RALGAPB: variants seen among roughly 807,000 people sequenced by gnomAD.
RALGAPB encodes Ral GTPase activating protein non-catalytic subunit beta.
A neutral mutation model predicts 161.1 loss-of-function variants in RALGAPB; 25 were observed. The ratio of observed to expected loss-of-function variants is 0.16; its 90% CI spans 0.11 to 0.22. The LOEUF is 0.22. RALGAPB is among the 10% of genes least tolerant of loss of function. The pLI is 1.00. For synonymous variants in RALGAPB, 629 were observed against 626.1 expected, an observed-to-expected ratio of 1.00 and a Z score of -0.07; for missense variants, 1,391 against 1,815.2, an observed-to-expected ratio of 0.77 and a Z score of 4.25.
At chr20:38,532,212 C>T (rs200885152) in intron 14 of RALGAPB, among the ~76,000 whole-genome samples, 16 of 152,214 alleles carry the variant, frequency 1.1e-4, no homozygotes, top group African/African-American at 3.6e-4. Flanking sequence ...CCTGCCACTG[C>T]GCCCGGCTAA....
chr20:38,523,387 A>G (rs1035710811), intron 10 of RALGAPB, among the ~76,000 whole-genome samples: 1 of 152,152 alleles, frequency 6.6e-6, no homozygotes, highest in Non-Finnish European at 1.5e-5. Context: ...GATATCCTAA[A>G]TGGTACTTTG....
rs756572068 is a variant in RALGAPB at position 38,521,597 on chromosome 20, T to C, written c.1518T>C (p.Pro506=). 1 of 1,614,242 alleles carries C rather than the reference T, an allele frequency of 6.2e-7. No homozygotes were observed. Among genetic ancestry groups the C allele is most frequent in the South Asian group, 1.1e-5 (1 of 91,086 alleles). The part of the protein sequence containing the change: ...SNPMFDASEF[P]DNYEAGRAEA... ...CTATGTTTGATGCAAGTGAATTTCCTGATAACTATGAAGCAGGAAGAGCTG... is the reference window on the plus strand; with the variant it reads ...CTATGTTTGATGCAAGTGAATTTCCCGATAACTATGAAGCAGGAAGAGCTG... Residue 506 remains proline (P), a synonymous_variant, in exon 10 of 30, where the codon CCT becomes CCC. Coordinates refer to ENST00000262879, the MANE Select transcript of RALGAPB (RefSeq NM_020336.4).
Position 38,553,801 on chromosome 20 carries a change from A to G in RALGAPB, c.3163-66A>G, listed in dbSNP as rs1406254653. On this transcript the variant is annotated intron_variant, in intron 21 of 29. Coordinates refer to ENST00000262879, the MANE Select transcript of RALGAPB (RefSeq NM_020336.4). ...TCAAAAAAAAAAAAAAAAAAAAAAA[A>G]CACTTAAGATTGGCCTTACTAGTTT... is the stretch of plus-strand genomic sequence containing the variant. 4 of 861,970 alleles carry G rather than the reference A, an allele frequency of 4.6e-6. No homozygotes were observed. The South Asian group carries it at 7.1e-5, about 15-fold the overall frequency. 53.4% of individuals were successfully genotyped at this position (861,970 alleles called of 1,614,324 possible). A position where few individuals can be genotyped will look rare whatever the true frequency, so the allele number is the denominator to read the frequency against.
chr20:38,531,647 T>A (rs921510350), intron 14 of RALGAPB, among the ~76,000 whole-genome samples: 2 of 152,190 alleles, frequency 1.3e-5, no homozygotes, highest in African/African-American at 4.8e-5. Context: ...AAAGCACCAA[T>A]GCTTCCAAAT....
chr20:38,549,549 A>AAATAT (rs1555882892), intron 20 of RALGAPB, among the ~76,000 whole-genome samples: 10 of 131,110 alleles, frequency 7.6e-5, no homozygotes, highest in African/African-American at 2.9e-4. Context: ...AAAAAAAAAA[A>AAATAT]ATATATATAT....
Position 38,531,211 on chromosome 20 carries a change from A to T in RALGAPB, c.2095A>T (p.Ile699Phe). 1 of 1,610,108 alleles carries T rather than the reference A, an allele frequency of 6.2e-7. No individual in the cohort carries two copies. Among genetic ancestry groups the T allele is most frequent in the Non-Finnish European group, 8.5e-7 (1 of 1,176,516 alleles). The part of the protein sequence containing the change: ...IVQDSALLEA[I>F]GCQMEMGGGE... Reference sequence around the variant, plus strand: ...TCAAGATTCAGCACTTTTGGAAGCCATTGGTTGCCAGATGGAGATGGTAAG... The same window carrying T: ...TCAAGATTCAGCACTTTTGGAAGCCTTTGGTTGCCAGATGGAGATGGTAAG... The change falls in exon 14 of 30, where the codon ATT (isoleucine) becomes TTT (phenylalanine). Residue 699 changes from isoleucine to phenylalanine, a missense_variant. By Grantham distance (21) the Ile-to-Phe change is conservative. This residue lies in a region of RALGAPB where 946 missense variants were observed against 1,257.2 expected (regional missense o/e 0.75). Transcript: ENST00000262879.
At chr20:38,483,524 G>A (rs949553846) in intron 1 of RALGAPB, among the ~76,000 whole-genome samples, 1 of 152,116 alleles carries the variant, frequency 6.6e-6, no homozygotes, top group African/African-American at 2.4e-5. Flanking sequence ...GTTTTATAAG[G>A]ATAAACAAGT....
intron 1 of RALGAPB, among the ~76,000 whole-genome samples, chr20:38,478,121 CAAAAAG>C (rs2084860354): frequency 6.6e-6 from 1 of 152,088 alleles, no homozygotes; most frequent in South Asian, 2.1e-4. Flanking sequence ...GACCTTGTCT[CAAAAAG>C]AGAAATGCCA....
chr20:38,539,803 C>A lies in RALGAPB; in HGVS notation c.2407C>A (p.Arg803=). Reference sequence around the variant, plus strand: ...AAAAGTGATGGTTGACTCAGGAGACCGGAAGCGAGCCATCAGTTCTGTGTG... The same window carrying A: ...AAAAGTGATGGTTGACTCAGGAGACAGGAAGCGAGCCATCAGTTCTGTGTG... ...KVKVMVDSGD[R]KRAISSVCTY... is the part of the protein sequence containing the mutation. The change falls in exon 17 of 30, where the codon CGG becomes AGG. Residue 803 remains arginine, a synonymous_variant. Coordinates refer to ENST00000262879, the MANE Select transcript of RALGAPB (RefSeq NM_020336.4). 6.2e-7 allele frequency: 1 copy of A among 1,613,572 alleles called. No individual in the cohort carries two copies. The highest frequency in any genetic ancestry group is 8.5e-7 in the Non-Finnish European group (1 of 1,179,756).
intron 1 of RALGAPB, among the ~76,000 whole-genome samples, chr20:38,483,226 T>C (rs901795466): frequency 1.3e-5 from 2 of 152,216 alleles, no homozygotes. Context: ...GATGAGGATG[T>C]TCCAACACAA....
At chr20:38,488,780 A>G (rs935987374) in intron 2 of RALGAPB, among the ~76,000 whole-genome samples, 162 bp downstream of exon 2, 12 of 152,166 alleles carry the variant, frequency 7.9e-5, no homozygotes, top group African/African-American at 1.9e-4. Flanking sequence ...TGACTTCTCA[A>G]TTTTGATCTT....
chr20:38,485,043 G>C (rs1275347529), intron 1 of RALGAPB, among the ~76,000 whole-genome samples: 1 of 152,162 alleles, frequency 6.6e-6, no homozygotes, highest in Non-Finnish European at 1.5e-5. Context: ...TGGTTCTAAA[G>C]ATAATGAAGC....
chr20:38,493,439 A>G (rs1006419398), intron 3 of RALGAPB, among the ~76,000 whole-genome samples: 4 of 152,230 alleles, frequency 2.6e-5, no homozygotes, highest in African/African-American at 7.2e-5. Context: ...GCCTATCACA[A>G]TTCTTGTTTC....
chr20:38,538,316 G>A lies in RALGAPB; in HGVS notation c.2380-1460G>A, dbSNP rs1044548625. On this transcript the variant is annotated intron_variant, in intron 16 of 29. Transcript: ENST00000262879. Reference sequence around the variant, plus strand: ...TGCTGGGCATCAAAGTGAAGCTCATGCGTCCTGGGCCCAAGTGGTAAGATT... The same window carrying A: ...TGCTGGGCATCAAAGTGAAGCTCATACGTCCTGGGCCCAAGTGGTAAGATT... The A allele has an allele frequency of 4.3e-5, 9 of 208,500 alleles. 1 individual carries two copies. Among genetic ancestry groups the A allele is most frequent in the Admixed American group, 1.8e-4 (4 of 21,642 alleles). The allele number at this position is 208,500 out of a possible 1,614,324, so 12.9% of individuals were successfully genotyped here. A position where few individuals can be genotyped will look rare whatever the true frequency, so the allele number is the denominator to read the frequency against.
chr20:38,551,443 C>T (rs988637943), intron 21 of RALGAPB, among the ~76,000 whole-genome samples: 5 of 152,034 alleles, frequency 3.3e-5, no homozygotes, highest in African/African-American at 1.2e-4. Context: ...CCTGGCTGTT[C>T]GTGGTAGGTT....
rs1397803117 is a variant in RALGAPB at position 38,548,401 on chromosome 20, C to T, written c.2903-288C>T. ...TGATCTTAGTTGATACATTAGTGAACATTATTTTATGTATTTTTAAGCATG... is the reference window on the plus strand; with the variant it reads ...TGATCTTAGTTGATACATTAGTGAATATTATTTTATGTATTTTTAAGCATG... On this transcript the variant is annotated intron_variant, in intron 19 of 29. Coordinates refer to ENST00000262879, the MANE Select transcript of RALGAPB (RefSeq NM_020336.4). Among the ~76,000 whole-genome samples the T allele has an allele frequency of 6.6e-5, 10 of 152,268 alleles. No individual in the cohort carries two copies. The East Asian group carries it at 1.5e-3, about 24-fold the overall frequency.
intron 1 of RALGAPB, among the ~76,000 whole-genome samples, chr20:38,477,636 A>G (rs1449299157): frequency 6.6e-6 from 1 of 152,088 alleles, no homozygotes; most frequent in Non-Finnish European, 1.5e-5. Context: ...CAGTTTATTT[A>G]TTTGCTCAGT....
chr20:38,478,786 T>C (rs1303665), intron 1 of RALGAPB, among the ~76,000 whole-genome samples: 97,013 of 151,854 alleles, frequency 0.64, 35,448 homozygotes, highest in East Asian at 0.91. Context: ...CCAGCTAATT[T>C]TGTATTTTTA....
chr20:38,558,483 A>G lies in RALGAPB; in HGVS notation c.3531+30A>G, dbSNP rs140104852. On this transcript the variant is annotated intron_variant, in intron 23 of 29. Transcript: ENST00000262879. ...GAGTTACGAATTTTTTTTTTTTGGT[A>G]TGTTTTTGTGCTATAAATACACGTC... 4.1e-5 allele frequency: 61 copies of G among 1,475,384 alleles called. No individual in the cohort carries two copies. In the East Asian group the frequency reaches 1.4e-3, roughly 33 times the overall value. 91.4% of individuals were successfully genotyped at this position (1,475,384 alleles called of 1,614,324 possible).
Sources: allele counts gnomAD v4.1 joint callset (sites outside exome capture counted in the v4.1 genomes callset), GRCh38; gene constraint gnomAD v4.1.1; regional missense constraint gnomAD v4.1.1; transcripts MANE v1.5; gene names NCBI Gene and HGNC (gene_info 2026-07-23, HGNC 2026-07-21).